Variants in PDE10A observed in about 807,000 individuals in gnomAD.
PDE10A encodes phosphodiesterase 10A.
A neutral mutation model predicts 97.7 loss-of-function variants in PDE10A; 39 were observed. The ratio of observed to expected loss-of-function variants is 0.40; its 90% CI spans 0.31 to 0.52. The LOEUF (loss-of-function observed/expected upper bound fraction) is 0.52, where lower values mean the gene tolerates loss of function less well. Among genes scored for constraint, PDE10A ranks in the 20% least tolerant of loss-of-function variants. The pLI is 0.56. For synonymous variants in PDE10A, 371 were observed against 376.8 expected (o/e 0.98, Z 0.18); for missense variants, 731 against 1,047.8 (o/e 0.70, Z 4.17).
chr6:165,766,217 G>A (rs974047776), intron 1 of PDE10A, among the ~76,000 whole-genome samples: 3 of 152,178 alleles, frequency 2.0e-5, no homozygotes, highest in African/African-American at 7.2e-5. Context: ...TGAGAATAGG[G>A]TTATTTCTAG....
At chr6:165,542,767 C>T (rs1364234218) in intron 2 of PDE10A, among the ~76,000 whole-genome samples, 3 of 151,452 alleles carry the variant, frequency 2.0e-5, no homozygotes, top group African/African-American at 4.9e-5. Context: ...TACAGGTGCC[C>T]ACCACCATGC....
chr6:165,474,239 A>C (rs1037926816), intron 3 of PDE10A, among the ~76,000 whole-genome samples: 1 of 152,216 alleles, frequency 6.6e-6, no homozygotes, highest in African/African-American at 2.4e-5. Flanking sequence ...AACAGATGCC[A>C]GTTAAGGAAC....
At chr6:165,593,320 T>C (rs1297174423) in intron 1 of PDE10A, among the ~76,000 whole-genome samples, 1 of 151,968 alleles carries the variant, frequency 6.6e-6, no homozygotes, top group African/African-American at 2.4e-5. Context: ...TTAAGGGAGA[T>C]AGCATTAGGA....
intron 13 of PDE10A, among the ~76,000 whole-genome samples, chr6:165,399,065 T>C (rs1786419562): frequency 1.3e-5 from 2 of 152,158 alleles, no homozygotes; most frequent in South Asian, 4.1e-4. Flanking sequence ...ACAAAGATTA[T>C]TACTAGAAAT....
chr6:165,523,406 T>C (rs1201839177), intron 2 of PDE10A, among the ~76,000 whole-genome samples: 5 of 152,058 alleles, frequency 3.3e-5, no homozygotes, highest in South Asian at 2.1e-4. Context: ...AGCACAGTAC[T>C]GGTACAAAAA....
intron 1 of PDE10A, among the ~76,000 whole-genome samples, chr6:165,876,890 C>T (rs1781358802): frequency 6.6e-6 from 1 of 152,210 alleles, no homozygotes; most frequent in South Asian, 2.1e-4. Context: ...AAGGGAGGAG[C>T]AGCTGTACGA....
intron 1 of PDE10A, among the ~76,000 whole-genome samples, chr6:165,575,858 A>G (rs2128349484): frequency 6.6e-6 from 1 of 152,122 alleles, no homozygotes; most frequent in South Asian, 2.1e-4. Context: ...CCTTGGTCTC[A>G]GTAGTATCAG....
intron 5 of PDE10A, among the ~76,000 whole-genome samples, chr6:165,438,800 A>G (rs756229339): frequency 2.0e-5 from 3 of 151,994 alleles, no homozygotes; most frequent in Non-Finnish European, 4.4e-5. Context: ...TCTACAAAAA[A>G]TAAAAACATT....
chr6:165,370,464 G>A (rs1784156806), intron 18 of PDE10A, among the ~76,000 whole-genome samples: 1 of 149,344 alleles, frequency 6.7e-6, no homozygotes, highest in African/African-American at 2.5e-5. Flanking sequence ...AACCAACAAA[G>A]ATCAAAAGAG....
intron 3 of PDE10A, among the ~76,000 whole-genome samples, chr6:165,476,421 A>T (rs1779302743): frequency 1.3e-5 from 2 of 152,188 alleles, no homozygotes; most frequent in East Asian, 1.9e-4. Context: ...TTATGAATTT[A>T]AGCAGAACAA....
intron 18 of PDE10A, among the ~76,000 whole-genome samples, chr6:165,367,828 CA>C (rs926286261): frequency 2.0e-5 from 3 of 149,584 alleles, no homozygotes; most frequent in Non-Finnish European, 3.0e-5. Context: ...AAAACAAAAA[CA>C]AAAAAACACC....
chr6:165,985,737 CA>C (rs35030708), intron 1 of PDE10A, among the ~76,000 whole-genome samples: 84,221 of 151,958 alleles, frequency 0.55, 24,164 homozygotes, highest in East Asian at 0.83. Context: ...TCTCCATCCC[CA>C]GTACGGTGTG....
chr6:165,724,902 T>C (rs6913753), intron 1 of PDE10A, among the ~76,000 whole-genome samples: 1,764 of 152,210 alleles, frequency 0.012, 34 homozygotes, highest in African/African-American at 0.041. Flanking sequence ...GACAGAGTCA[T>C]AGTGGTGATA....
At chr6:165,480,154 A>G (rs1779520685) in intron 3 of PDE10A, among the ~76,000 whole-genome samples, 1 of 152,222 alleles carries the variant, frequency 6.6e-6, no homozygotes, top group Non-Finnish European at 1.5e-5. Context: ...TTTAGAAACT[A>G]AGATGTTTTA....
intron 1 of PDE10A, among the ~76,000 whole-genome samples, chr6:165,755,706 G>A (rs1201120989): frequency 6.6e-6 from 1 of 152,056 alleles, no homozygotes; most frequent in East Asian, 1.9e-4. Context: ...GAAAGAGGGG[G>A]CAGCTGATTT....
At chr6:165,347,986 G>T (rs1305680015) in intron 18 of PDE10A, among the ~76,000 whole-genome samples, 4 of 152,102 alleles carry the variant, frequency 2.6e-5, no homozygotes, top group African/African-American at 9.7e-5. Context: ...TTGTTAAAGT[G>T]TTTAATATTG....
At chr6:165,691,441 T>TA (rs974787649) in intron 1 of PDE10A, among the ~76,000 whole-genome samples, 3 of 152,130 alleles carry the variant, frequency 2.0e-5, no homozygotes, top group Non-Finnish European at 4.4e-5. Context: ...CCTGTGTGTG[T>TA]AGTGGGCTGT....
At chr6:165,335,386 C>G (rs759043422) in intron 21 of PDE10A, among the ~76,000 whole-genome samples, 52 of 152,250 alleles carry the variant, frequency 3.4e-4, no homozygotes, top group Middle Eastern at 3.4e-3. Context: ...TTTTTAAAAA[C>G]AGCATTGGGC....
intron 1 of PDE10A, among the ~76,000 whole-genome samples, chr6:165,678,199 A>G (rs62424896): frequency 0.1 from 11,480 of 113,050 alleles, 164 homozygotes; most frequent in Admixed American, 0.18. Flanking sequence ...CTGTGTATGT[A>G]TATGTGTGTC....
Sources: allele counts gnomAD v4.1 joint callset (sites outside exome capture counted in the v4.1 genomes callset), GRCh38; gene constraint gnomAD v4.1.1; transcripts MANE v1.5; gene names NCBI Gene and HGNC (gene_info 2026-07-23, HGNC 2026-07-21).